ZCCHC14: variants seen among roughly 807,000 people sequenced by gnomAD.
The protein encoded by ZCCHC14 is zinc finger CCHC domain-containing protein 14.
A neutral mutation model predicts 85.0 loss-of-function variants in ZCCHC14; 16 were observed. The ratio of observed to expected loss-of-function variants is 0.19; its 90% CI spans 0.13 to 0.29. ZCCHC14 has a LOEUF of 0.29. ZCCHC14 is among the 10% of genes least tolerant of loss of function. The probability of loss-of-function intolerance (pLI) is 1.00; values close to 1 mark genes in which losing one functional copy is unlikely to be tolerated. For missense variants in ZCCHC14, 1,303 were observed against 1,443.5 expected (o/e 0.90, Z 1.58); for synonymous variants, 775 against 630.7 (o/e 1.23, Z -3.43).
At chr16:87,444,109 TCACTGAGAAGG>T (rs1910321555) in intron 2 of ZCCHC14, among the ~76,000 whole-genome samples, 1 of 150,630 alleles carries the variant, frequency 6.6e-6, no homozygotes, top group Non-Finnish European at 1.5e-5. Flanking sequence ...AGCTAGACTG[TCACTGAGAAGG>T]CCTAGAGCAG....
chr16:87,423,761 TG>T, intron 4 of ZCCHC14, 48 bp downstream of exon 4: 2 of 1,599,538 alleles, frequency 1.3e-6, no homozygotes, highest in Non-Finnish European at 1.7e-6. Context: ...CATCAGCCAC[TG>T]GGGAATGTGA....
At chr16:87,431,826 T>A (rs1444358075) in intron 3 of ZCCHC14, among the ~76,000 whole-genome samples, 1 of 152,084 alleles carries the variant, frequency 6.6e-6, no homozygotes, top group Non-Finnish European at 1.5e-5. Flanking sequence ...TCCAGGGCAC[T>A]CAGAGGGCCC....
chr16:87,437,143 C>T (rs1044837381), intron 2 of ZCCHC14, among the ~76,000 whole-genome samples: 5 of 151,766 alleles, frequency 3.3e-5, no homozygotes, highest in African/African-American at 1.2e-4. Flanking sequence ...TAGAGACCAG[C>T]CTGACCAACA....
At chr16:87,478,291 A>G (rs1164852097) in intron 1 of ZCCHC14, among the ~76,000 whole-genome samples, 2 of 152,240 alleles carry the variant, frequency 1.3e-5, no homozygotes, top group Non-Finnish European at 2.9e-5. Flanking sequence ...AAGGAAGCCA[A>G]CAGATAATAA....
At chr16:87,419,440 G>T (rs1352177871) in intron 6 of ZCCHC14, among the ~76,000 whole-genome samples, 1 of 152,208 alleles carries the variant, frequency 6.6e-6, no homozygotes, top group African/African-American at 2.4e-5. Context: ...AGCGGGGACT[G>T]CAGGCATGCA....
At position 87,460,065 on chromosome 16, in the gene ZCCHC14, A is replaced by G. The variant is rs1869137890; in HGVS notation, c.637T>C (p.Ser213Pro). 6.2e-7 allele frequency: 1 copy of G among 1,614,014 alleles called. No individual in the cohort carries two copies. Among genetic ancestry groups the G allele is most frequent in the African/African-American group, 1.3e-5 (1 of 74,920 alleles). The change falls in exon 2 of 13, where the codon TCA (serine) becomes CCA (proline). Residue 213 changes from serine to proline, a missense_variant. Physicochemically the swap from Ser to Pro is moderately conservative, Grantham distance 74. Coordinates refer to ENST00000671377, the MANE Select transcript of ZCCHC14 (RefSeq NM_015144.3). ...AGCGACTCCTCCGTGGAATGTGCTG[A>G]TGTGTGCAGGGCATTCTCCAAACTA... ...SNSLENALHT[S>P]AHSTEESLPK...
chr16:87,446,121 C>G (rs1039404570), intron 2 of ZCCHC14, among the ~76,000 whole-genome samples: 2 of 149,420 alleles, frequency 1.3e-5, no homozygotes, highest in South Asian at 2.1e-4. Context: ...GAGCCAAGAT[C>G]GCGCCATTGC....
At chr16:87,481,566 A>AGGGG (rs1912281075) in intron 1 of ZCCHC14, among the ~76,000 whole-genome samples, 1 of 30,832 alleles carries the variant, frequency 3.2e-5, no homozygotes, top group Non-Finnish European at 6.0e-5. Context: ...GGTAAGCGGG[A>AGGGG]GGGGAAAGGA....
intron 1 of ZCCHC14, chr16:87,467,397 T>C: frequency 1.2e-6 from 2 of 1,600,860 alleles, no homozygotes; most frequent in South Asian, 1.1e-5. Flanking sequence ...CACAGTTTAC[T>C]GTCAGGCAAG....
intron 2 of ZCCHC14, among the ~76,000 whole-genome samples, chr16:87,444,357 T>C (rs1167169562): frequency 6.6e-6 from 1 of 152,182 alleles, no homozygotes; most frequent in East Asian, 1.9e-4. Flanking sequence ...ACCAGCCAAA[T>C]CTGGTACAGC....
intron 1 of ZCCHC14, among the ~76,000 whole-genome samples, chr16:87,477,129 AAAAAAAAAAAAACAAAAC>A (rs1428443701): frequency 2.9e-5 from 4 of 140,076 alleles, no homozygotes; most frequent in African/African-American, 1.1e-4. Context: ...TCAAAAAAAA[AAAAAAAAAAAAACAAAAC>A]AAAACCAAAA....
rs752583578 is a variant in ZCCHC14, at chr16:87,412,065, C to A, written c.2656G>T (p.Gly886Cys). Residue 886 changes from glycine (G) to cysteine (C), a missense_variant, in exon 12 of 13, where the codon GGT becomes TGT. Transcript: ENST00000671377. ...GGAATGTTTCCTGTGGAGCCGCCAC[C>A]GCCACTGCTGCTATAGAAACTGCTT... ...PESSFYSSSG[G>C]GGSTGNIPAS... 6.2e-7 allele frequency: 1 copy of A among 1,611,106 alleles called. No homozygotes were observed. The highest frequency in any genetic ancestry group is 1.3e-5 in the African/African-American group (1 of 74,926).
intron 3 of ZCCHC14, among the ~76,000 whole-genome samples, chr16:87,427,307 G>A (rs140794850): frequency 3.9e-5 from 6 of 152,346 alleles, no homozygotes; most frequent in East Asian, 1.9e-4. Flanking sequence ...AGGTGTACAC[G>A]TGATAAAAAC....
At chr16:87,437,849 GA>G (rs1910003795) in intron 2 of ZCCHC14, among the ~76,000 whole-genome samples, 1 of 152,170 alleles carries the variant, frequency 6.6e-6, no homozygotes, top group African/African-American at 2.4e-5. Flanking sequence ...CGTAGCAACT[GA>G]AAAAGGGAGG....
rs1220150867 is a variant in ZCCHC14 at position 87,420,174 on chromosome 16, G to C, written c.951-297C>G. Among the ~76,000 whole-genome samples the C allele has an allele frequency of 6.6e-6, 1 of 152,190 alleles. No individual in the cohort carries two copies. Among genetic ancestry groups the C allele is most frequent in the Non-Finnish European group, 1.5e-5 (1 of 68,044 alleles). Reference sequence around the variant, plus strand: ...CAGCCAGAAAGGTGCTTGGACACTGGTCCCCAGGGCCCCGGCAGCAGCACA... The same window carrying C: ...CAGCCAGAAAGGTGCTTGGACACTGCTCCCCAGGGCCCCGGCAGCAGCACA... On this transcript the variant is annotated intron_variant, in intron 5 of 12. Transcript: ENST00000671377. The surrounding 1 kb of genome is among the most constrained non-coding windows in gnomAD (Gnocchi z 5.0).
At chr16:87,444,723 A>G (rs924385140) in intron 2 of ZCCHC14, among the ~76,000 whole-genome samples, 2 of 152,192 alleles carry the variant, frequency 1.3e-5, no homozygotes, top group African/African-American at 4.8e-5. Context: ...ATAATCTTCT[A>G]AAGTATCCGG....
At chr16:87,485,429 G>C (rs1010815812) in intron 1 of ZCCHC14, among the ~76,000 whole-genome samples, 1 of 152,088 alleles carries the variant, frequency 6.6e-6, no homozygotes, top group South Asian at 2.1e-4. Context: ...ACAGAGACTG[G>C]AGAAAAAAAT....
chr16:87,459,974 C>A (rs754811792), intron 2 of ZCCHC14, 34 bp downstream of exon 2: 6 of 1,613,692 alleles, frequency 3.7e-6, no homozygotes, highest in Non-Finnish European at 5.1e-6. Context: ...CTCCGTCCGT[C>A]AGACGTCCTC....
At position 87,420,229 on chromosome 16, in the gene ZCCHC14, G is replaced by A. The variant is rs1315159980; in HGVS notation, c.951-352C>T. Among the ~76,000 whole-genome samples the A allele has an allele frequency of 4.6e-5, 7 of 152,324 alleles. No individual in the cohort carries two copies. Among genetic ancestry groups the A allele is most frequent in the African/African-American group, 7.2e-5 (3 of 41,576 alleles). On this transcript the variant is annotated intron_variant, in intron 5 of 12. Coordinates refer to ENST00000671377, the MANE Select transcript of ZCCHC14 (RefSeq NM_015144.3). This position sits in a 1 kb window ranked among gnomAD's most constrained non-coding sequence, Gnocchi z 5.0. Reference sequence around the variant, plus strand: ...CGGAACTGGTCGGCCATGTTACTTCGTGTGCCACGTGAGCCAAGACACGAT... The same window carrying A: ...CGGAACTGGTCGGCCATGTTACTTCATGTGCCACGTGAGCCAAGACACGAT...
Sources: allele counts gnomAD v4.1 joint callset (sites outside exome capture counted in the v4.1 genomes callset), GRCh38; gene constraint gnomAD v4.1.1; non-coding constraint Gnocchi (gnomAD v3.1); transcripts MANE v1.5; gene names NCBI Gene and HGNC (gene_info 2026-07-23, HGNC 2026-07-21).